KIF16B: variants seen among roughly 807,000 people sequenced by gnomAD.
The protein encoded by KIF16B is kinesin family member 16B.
A neutral mutation model predicts 156.3 loss-of-function variants in KIF16B; 98 were observed. The ratio of observed to expected loss-of-function variants is 0.63; its 90% CI spans 0.53 to 0.74. KIF16B has a LOEUF of 0.74. KIF16B is among the 30% of genes least tolerant of loss of function. The probability of loss-of-function intolerance (pLI) is 0.00; values close to 1 mark genes in which losing one functional copy is unlikely to be tolerated. For synonymous variants in KIF16B, 564 were observed against 583.7 expected, an observed-to-expected ratio of 0.97 and a Z score of 0.49; for missense variants, 1,421 against 1,606.5, an observed-to-expected ratio of 0.88 and a Z score of 1.97.
rs771290299 is a variant in KIF16B at position 16,379,809 on chromosome 20, G to C, written c.2193C>G (p.Asp731Glu). ...GTTCATCTTTTTCCTTTTGGAGCTG[G>C]TCCAGTTCTTGAAATATCTGAAACT... ...AEKFQIFQEL[D>E]QLQKEKDEQY... The change falls in exon 19 of 26, where the codon GAC becomes GAG. Residue 731 changes from aspartate (D) to glutamate (E), a missense_variant. By Grantham distance (45) the Asp-to-Glu change is conservative. Transcript: ENST00000354981. 3.1e-6 allele frequency: 5 copies of C among 1,614,086 alleles called. No homozygotes were observed. The highest frequency in any genetic ancestry group is 1.6e-4 in the Middle Eastern group (1 of 6,062).
At chr20:16,571,916 C>A (rs1056473300) in intron 1 of KIF16B, among the ~76,000 whole-genome samples, 1 of 152,130 alleles carries the variant, frequency 6.6e-6, no homozygotes, top group African/African-American at 2.4e-5. Context: ...TGAGCCACCG[C>A]GCCCAGCCTA....
At chr20:16,538,174 C>T (rs2070052594) in intron 1 of KIF16B, among the ~76,000 whole-genome samples, 1 of 152,126 alleles carries the variant, frequency 6.6e-6, no homozygotes, top group Admixed American at 6.5e-5. Context: ...TCAGAGAAGC[C>T]CAGCTTCCTT....
chr20:16,333,410 G>T (rs527818689), intron 24 of KIF16B, among the ~76,000 whole-genome samples: 1 of 152,266 alleles, frequency 6.6e-6, no homozygotes, highest in South Asian at 2.1e-4. Context: ...TTTGTTCACT[G>T]TTTATTCTCT....
intron 1 of KIF16B, among the ~76,000 whole-genome samples, chr20:16,550,710 T>G (rs1436120949): frequency 1.3e-5 from 2 of 151,810 alleles, no homozygotes; most frequent in African/African-American, 4.8e-5. Context: ...ATTTTTTCTA[T>G]TTTTTGTAGA....
chr20:16,283,213 C>T (rs2063172947), intron 25 of KIF16B, among the ~76,000 whole-genome samples: 2 of 152,168 alleles, frequency 1.3e-5, no homozygotes, highest in Admixed American at 6.5e-5. Flanking sequence ...AGAGAAAATT[C>T]CGGCTCCACC....
chr20:16,553,836 AG>A (rs2070751146), intron 1 of KIF16B, among the ~76,000 whole-genome samples: 1 of 150,346 alleles, frequency 6.7e-6, no homozygotes, highest in Non-Finnish European at 1.5e-5. Flanking sequence ...AGGAGCAGAC[AG>A]GAGCAGACAG....
intron 15 of KIF16B, among the ~76,000 whole-genome samples, chr20:16,411,929 C>CGTGTGTGT (rs36019156): frequency 0.033 from 4,367 of 134,032 alleles, 128 homozygotes; most frequent in African/African-American, 0.071. Context: ...GAATGTTCAA[C>CGTGTGTGT]GTGTGTGTGT....
chr20:16,438,300 A>G (rs1031235438), intron 12 of KIF16B, among the ~76,000 whole-genome samples: 4 of 152,106 alleles, frequency 2.6e-5, no homozygotes, highest in Non-Finnish European at 5.9e-5. Context: ...CAGTTACCCA[A>G]TGTCAACTGT....
At chr20:16,333,152 G>C in intron 24 of KIF16B, among the ~76,000 whole-genome samples, 1 of 151,976 alleles carries the variant, frequency 6.6e-6, no homozygotes, top group Non-Finnish European at 1.5e-5. Flanking sequence ...TTTTGTTCTT[G>C]GAACAAACCA....
chr20:16,277,273 C>T (rs1037050592), intron 25 of KIF16B, among the ~76,000 whole-genome samples: 14 of 152,116 alleles, frequency 9.2e-5, no homozygotes, highest in Admixed American at 7.9e-4. Flanking sequence ...CAGGGATAAG[C>T]GTTGGTCACC....
intron 23 of KIF16B, among the ~76,000 whole-genome samples, chr20:16,347,433 T>C (rs774659155): frequency 2.9e-4 from 44 of 152,252 alleles, no homozygotes; most frequent in Non-Finnish European, 5.0e-4. Context: ...GCTTTTCTTC[T>C]GTGCTTGTAA....
Position 16,508,098 on chromosome 20 carries a change from A to G in KIF16B, c.559T>C (p.Leu187=). 1 of 1,613,866 alleles carries G rather than the reference A, an allele frequency of 6.2e-7. No individual in the cohort carries two copies. Among genetic ancestry groups the G allele is most frequent in the Non-Finnish European group, 8.5e-7 (1 of 1,179,874 alleles). ...HPKEGPYVED[L]SKHLVQNYGD... ...TAATTCTGTACTAAATGTTTGGATA[A>G]ATCTGAAAAAGAAAATGGAAGGGGT... The change falls in exon 7 of 26, where the codon TTA becomes CTA. Residue 187 remains leucine (L), a splice_region_variant and synonymous_variant. Coordinates refer to ENST00000354981, the MANE Select transcript of KIF16B (RefSeq NM_024704.5).
intron 1 of KIF16B, among the ~76,000 whole-genome samples, chr20:16,535,747 C>T (rs916401410): frequency 7.9e-5 from 12 of 152,134 alleles, no homozygotes; most frequent in African/African-American, 2.9e-4. Context: ...AAAAAATGCT[C>T]AGTATCACTA....
Position 16,367,783 on chromosome 20 carries a change from G to C in KIF16B, c.3498+2803C>G, listed in dbSNP as rs748712938. On this transcript the variant is annotated intron_variant, in intron 22 of 25. Coordinates refer to ENST00000354981, the MANE Select transcript of KIF16B (RefSeq NM_024704.5). ...CAAGGGATGATTAGCGCAGGCAGCG[G>C]CATCAGGCTCTGGCATCAGGACACA... 1.9e-6 allele frequency: 3 copies of C among 1,612,392 alleles called. No individual in the cohort carries two copies. In the Admixed American group the frequency reaches 5.0e-5, roughly 27 times the overall value.
At chr20:16,314,820 G>C (rs1236813591) in intron 24 of KIF16B, among the ~76,000 whole-genome samples, 2 of 152,036 alleles carry the variant, frequency 1.3e-5, no homozygotes, top group African/African-American at 4.8e-5. Context: ...AGGAGCAAAG[G>C]GTTTTCCGGA....
At chr20:16,466,657 T>C (rs995558369) in intron 12 of KIF16B, among the ~76,000 whole-genome samples, 1 of 152,214 alleles carries the variant, frequency 6.6e-6, no homozygotes, top group Non-Finnish European at 1.5e-5. Flanking sequence ...TGTGAGTCCA[T>C]TAAACATCTT....
intron 12 of KIF16B, among the ~76,000 whole-genome samples, chr20:16,456,585 G>A (rs971697082): frequency 9.2e-5 from 14 of 152,056 alleles, no homozygotes; most frequent in Non-Finnish European, 1.9e-4. Flanking sequence ...AAAAGAGATC[G>A]CTAACATCAT....
At chr20:16,349,663 G>A (rs1023529847) in intron 23 of KIF16B, among the ~76,000 whole-genome samples, 73 of 152,232 alleles carry the variant, frequency 4.8e-4, no homozygotes, top group Admixed American at 3.3e-3. Context: ...GTTTGCACCT[G>A]CTGCCTCGGG....
At chr20:16,320,224 T>C (rs1306602877) in intron 24 of KIF16B, among the ~76,000 whole-genome samples, 1 of 152,164 alleles carries the variant, frequency 6.6e-6, no homozygotes, top group Non-Finnish European at 1.5e-5. Context: ...CTAGCCTATA[T>C]CTTAGCCAGA....
Sources: allele counts gnomAD v4.1 joint callset (sites outside exome capture counted in the v4.1 genomes callset), GRCh38; gene constraint gnomAD v4.1.1; transcripts MANE v1.5; gene names NCBI Gene and HGNC (gene_info 2026-07-23, HGNC 2026-07-21).